ADAMTS9: variants seen among roughly 807,000 people sequenced by gnomAD.
The protein encoded by ADAMTS9 is A disintegrin and metalloproteinase with thrombospondin motifs 9.
In ADAMTS9, 107 loss-of-function variants were observed where a neutral mutation model predicts 257.1. That is an observed-to-expected ratio of 0.42 (90% CI 0.36 to 0.49). The LOEUF (loss-of-function observed/expected upper bound fraction) is 0.49, where lower values mean the gene tolerates loss of function less well. Among genes scored for constraint, ADAMTS9 ranks in the 20% least tolerant of loss-of-function variants. The probability of loss-of-function intolerance (pLI) is 0.03; values close to 1 mark genes in which losing one functional copy is unlikely to be tolerated. For synonymous variants in ADAMTS9, 982 were observed against 880.9 expected (o/e 1.11, Z -2.03); for missense variants, 2,353 against 2,469.1 (o/e 0.95, Z 1.00).
chr3:64,687,048 G>T lies in ADAMTS9; in HGVS notation c.116-80C>A. The T allele has an allele frequency of 6.7e-7, 1 of 1,495,760 alleles. No homozygotes were observed. Among genetic ancestry groups the T allele is most frequent in the Non-Finnish European group, 9.0e-7 (1 of 1,109,808 alleles). The allele number at this position is 1,495,760 out of a possible 1,614,324, so 92.7% of individuals were successfully genotyped here. Reference sequence around the variant, plus strand: ...AATTTAAAACGAAGGTGGGGACTTTGTTCTGACCTTATTTTCCAGCCCATT... The same window carrying T: ...AATTTAAAACGAAGGTGGGGACTTTTTTCTGACCTTATTTTCCAGCCCATT... On this transcript the variant is annotated intron_variant, in intron 1 of 39. Transcript: ENST00000498707. The surrounding 1 kb of genome is among the most constrained non-coding windows in gnomAD (Gnocchi z 4.4).
intron 39 of ADAMTS9, among the ~76,000 whole-genome samples, chr3:64,517,673 C>T (rs1006678882): frequency 2.0e-5 from 3 of 151,736 alleles, no homozygotes; most frequent in African/African-American, 7.3e-5. Flanking sequence ...GAGATAACTG[C>T]TCTTCATATA....
intron 16 of ADAMTS9, among the ~76,000 whole-genome samples, 190 bp from the exon 17 acceptor site, chr3:64,622,776 C>T (rs1192295603): frequency 6.6e-6 from 1 of 152,138 alleles, no homozygotes; most frequent in Non-Finnish European, 1.5e-5. Flanking sequence ...ATTTTCCATC[C>T]ATCTCCATTT....
At position 64,650,926 on chromosome 3, in the gene ADAMTS9, T is replaced by A. The variant is rs888569764; in HGVS notation, c.1463+91A>T. 4.0e-6 allele frequency: 5 copies of A among 1,261,028 alleles called. No homozygotes were observed. In the African/African-American group the frequency reaches 6.4e-5, roughly 16 times the overall value. The allele number at this position is 1,261,028 out of a possible 1,614,324, so 78.1% of individuals were successfully genotyped here. A position where few individuals can be genotyped will look rare whatever the true frequency, so the allele number is the denominator to read the frequency against. On this transcript the variant is annotated intron_variant, in intron 9 of 39. Coordinates refer to ENST00000498707, the MANE Select transcript of ADAMTS9 (RefSeq NM_182920.2). Reference sequence around the variant, plus strand: ...GTCAACAAAAATAACTCAAAAGGAATGTTTGACTTCATATTGTCTTTCCCA... The same window carrying A: ...GTCAACAAAAATAACTCAAAAGGAAAGTTTGACTTCATATTGTCTTTCCCA...
At chr3:64,619,692 T>A (rs1204918947) in intron 19 of ADAMTS9, among the ~76,000 whole-genome samples, 1 of 152,152 alleles carries the variant, frequency 6.6e-6, no homozygotes, top group Non-Finnish European at 1.5e-5. Context: ...GAAAAAATAG[T>A]TCTTAGTAAA....
chr3:64,587,429 C>T (rs753690695), intron 28 of ADAMTS9: 3 of 152,082 alleles, frequency 2.0e-5, no homozygotes, highest in Non-Finnish European at 2.9e-5. Flanking sequence ...TGGTAGCCAC[C>T]AGCGACAGGT....
chr3:64,527,706 T>A (rs2082927603), intron 38 of ADAMTS9, among the ~76,000 whole-genome samples: 1 of 152,124 alleles, frequency 6.6e-6, no homozygotes, highest in Admixed American at 6.5e-5. Context: ...TATGAACATA[T>A]GCATAAATGT....
intron 31 of ADAMTS9, among the ~76,000 whole-genome samples, chr3:64,547,739 G>A (rs1045989005): frequency 3.3e-5 from 5 of 151,934 alleles, no homozygotes; most frequent in Middle Eastern, 3.4e-3. Flanking sequence ...TCTATATCAC[G>A]CCCTCATCTG....
chr3:64,556,935 A>G lies in ADAMTS9; in HGVS notation c.4698+4643T>C, dbSNP rs1048682368. ...TGTTGTAGGTACCATGTTAAATGATAGAGAAGATTCTGGTGAACAAGCTTC... is the reference window on the plus strand; with the variant it reads ...TGTTGTAGGTACCATGTTAAATGATGGAGAAGATTCTGGTGAACAAGCTTC... On this transcript the variant is annotated intron_variant, in intron 30 of 39. Coordinates refer to ENST00000498707, the MANE Select transcript of ADAMTS9 (RefSeq NM_182920.2). Among the ~76,000 whole-genome samples the G allele has an allele frequency of 2.6e-5, 4 of 152,170 alleles. No individual in the cohort carries two copies. The South Asian group carries it at 6.2e-4, about 24-fold the overall frequency.
rs762017566 is a variant in ADAMTS9 at position 64,649,663 on chromosome 3, G to A, written c.1579C>T (p.Pro527Ser). The part of the protein sequence containing the change: ...VNKQCELIFG[P>S]GSQVCPYMMQ... ...ATATATGGGCACACCTGAGAACCTG[G>A]TCCAAAAATCAATTCACATTGTTTA... Residue 527 changes from proline (P) to serine (S), a missense_variant, in exon 10 of 40, where the codon CCA (proline) becomes TCA (serine). By Grantham distance (74) the Pro-to-Ser change is moderately conservative (BLOSUM62 -1). Around this residue, in one of 3 missense-constraint regions of ADAMTS9, gnomAD observed 360 missense variants for 458.1 expected, o/e 0.79. Transcript: ENST00000498707. The A allele has an allele frequency of 6.2e-7, 1 of 1,613,790 alleles. No homozygotes were observed. The highest frequency in any genetic ancestry group is 1.1e-5 in the South Asian group (1 of 91,004).
At chr3:64,625,013 C>T (rs1700193477) in intron 16 of ADAMTS9, among the ~76,000 whole-genome samples, 1 of 152,018 alleles carries the variant, frequency 6.6e-6, no homozygotes, top group African/African-American at 2.4e-5. Flanking sequence ...GAGAAAGGCC[C>T]CCCCTTACCG....
chr3:64,663,084 A>C (rs1701263527), intron 3 of ADAMTS9, among the ~76,000 whole-genome samples: 1 of 152,110 alleles, frequency 6.6e-6, no homozygotes, highest in South Asian at 2.1e-4. Flanking sequence ...AGTCTCAAGC[A>C]TTTTGGACAG....
At chr3:64,654,534 A>C (rs144198538) in intron 7 of ADAMTS9, 38 bp downstream of exon 7, 37 of 1,575,388 alleles carry the variant, frequency 2.3e-5, no homozygotes, top group Middle Eastern at 3.3e-4. Flanking sequence ...ATGTAGTAAA[A>C]CGGTTTTAGC....
intron 38 of ADAMTS9, among the ~76,000 whole-genome samples, chr3:64,528,003 T>A (rs1486754129): frequency 6.6e-6 from 1 of 152,150 alleles, no homozygotes; most frequent in Non-Finnish European, 1.5e-5. Context: ...TAACACAACT[T>A]TCGTTATTTT....
rs2083006850 is a variant in ADAMTS9, at chr3:64,533,337, G to A, written c.5614-67C>T. Reference sequence around the variant, plus strand: ...ATGTCCTCAAAAAAGCAAAGGCAAAGGTGATACAATAAAAGGTACTTTGGA... The same window carrying A: ...ATGTCCTCAAAAAAGCAAAGGCAAAAGTGATACAATAAAAGGTACTTTGGA... On this transcript the variant is annotated intron_variant, in intron 37 of 39. Transcript: ENST00000498707. The A allele has an allele frequency of 4.9e-6, 6 of 1,219,550 alleles. No individual in the cohort carries two copies. The South Asian group carries it at 7.4e-5, about 15-fold the overall frequency. The allele number at this position is 1,219,550 out of a possible 1,614,324, so 75.5% of individuals were successfully genotyped here.
At chr3:64,534,406 T>G (rs1422793872) in intron 37 of ADAMTS9, among the ~76,000 whole-genome samples, 2 of 152,224 alleles carry the variant, frequency 1.3e-5, no homozygotes, top group Admixed American at 6.5e-5. Context: ...TCTTACATTT[T>G]CTAATTGTTT....
intron 28 of ADAMTS9, among the ~76,000 whole-genome samples, chr3:64,575,297 T>G (rs1217371930): frequency 6.6e-6 from 1 of 152,068 alleles, no homozygotes; most frequent in East Asian, 1.9e-4. Context: ...AATTCAAGAC[T>G]AGAGAAAAGG....
intron 28 of ADAMTS9, chr3:64,582,960 A>G (rs978762101): frequency 3.9e-5 from 6 of 152,228 alleles, no homozygotes; most frequent in Non-Finnish European, 7.3e-5. Context: ...TGACCTATTC[A>G]TATATTCATA....
At chr3:64,597,118 A>G in intron 26 of ADAMTS9, 127 bp from the exon 27 acceptor site, 1 of 1,304,808 alleles carries the variant, frequency 7.7e-7, no homozygotes, top group Non-Finnish European at 1.1e-6. Context: ...AAGGACAAAA[A>G]GCAATCAGGA....
intron 39 of ADAMTS9, among the ~76,000 whole-genome samples, chr3:64,519,529 C>T (rs2082823697): frequency 6.6e-6 from 1 of 152,126 alleles, no homozygotes; most frequent in African/African-American, 2.4e-5. Context: ...CCCTGATGAA[C>T]ATTGACATGA....
Sources: gnomAD v4.1 joint callset for allele counts (sites outside exome capture counted in the v4.1 genomes callset) on GRCh38, gnomAD v4.1.1 for gene constraint, gnomAD v4.1.1 regional missense constraint, Gnocchi (gnomAD v3.1) non-coding constraint, MANE v1.5 for transcripts, NCBI Gene and HGNC (gene_info 2026-07-23, HGNC 2026-07-21) for gene names.